Variants in USP7 observed in about 807,000 individuals in gnomAD.
The protein encoded by USP7 is ubiquitin specific peptidase 7, also known as ubiquitin C-terminal hydrolase 7.
Under a neutral mutation model 162.9 loss-of-function variants are expected in USP7, and 9 were observed. That is an observed-to-expected ratio of 0.06 (90% confidence interval 0.03 to 0.10). The LOEUF is 0.10. Among genes scored for constraint, USP7 ranks in the 10% least tolerant of loss-of-function variants. The pLI is 1.00. For missense variants in USP7, 715 were observed against 1,373.7 expected, an observed-to-expected ratio of 0.52 and a Z score of 7.58; for synonymous variants, 562 against 475.9, an observed-to-expected ratio of 1.18 and a Z score of -2.35.
At position 8,892,923 on chromosome 16, in the gene USP7, T is replaced by C. The variant is rs1032815654; in HGVS notation, c.*1075A>G. On this transcript the variant is annotated 3_prime_UTR_variant, in exon 31 of 31. Coordinates refer to ENST00000344836, the MANE Select transcript of USP7 (RefSeq NM_003470.3). ...ATAAGAGTGATTTGCTGATTCTATT[T>C]TACTGCACTCAAAACTAGACACGCA... The C allele has an allele frequency of 6.6e-6, 1 of 152,172 alleles. No homozygotes were observed. Among genetic ancestry groups the C allele is most frequent in the African/African-American group, 2.4e-5 (1 of 41,448 alleles). The allele number at this position is 152,172 out of a possible 1,614,324, so 9.4% of individuals were successfully genotyped here. A position where few individuals can be genotyped will look rare whatever the true frequency, so the allele number is the denominator to read the frequency against.
At chr16:8,909,317 C>T (rs961434496) in intron 11 of USP7, among the ~76,000 whole-genome samples, 2 of 152,152 alleles carry the variant, frequency 1.3e-5, no homozygotes, top group African/African-American at 2.4e-5. Flanking sequence ...CAGCAGCCAG[C>T]GAGAGACCTG....
chr16:8,903,346 T>C lies in USP7; in HGVS notation c.1761A>G (p.Glu587=), dbSNP rs1428662263. 1 of 1,614,224 alleles carries C rather than the reference T, an allele frequency of 6.2e-7. No individual in the cohort carries two copies. Among genetic ancestry groups the C allele is most frequent in the South Asian group, 1.1e-5 (1 of 91,078 alleles). The stretch of plus-strand genomic sequence containing the variant: ...CTTTGAACACAGTGTATTTCACTTT[T>C]TCTTCATCGTACATGTCATTCCCTT... ...GHQGNDMYDE[E]KVKYTVFKVL... is the part of the protein sequence containing the mutation. Residue 587 remains glutamate, a synonymous_variant, in exon 16 of 31, where the codon GAA becomes GAG. Transcript: ENST00000344836.
chr16:8,958,687 C>G (rs1899897718), intron 1 of USP7, among the ~76,000 whole-genome samples: 1 of 152,210 alleles, frequency 6.6e-6, no homozygotes, highest in Non-Finnish European at 1.5e-5. Flanking sequence ...ATCTAGTGTT[C>G]CACTTCCCCA....
chr16:8,907,964 C>G (rs1022306498), intron 12 of USP7, among the ~76,000 whole-genome samples: 1 of 152,154 alleles, frequency 6.6e-6, no homozygotes, highest in Admixed American at 6.5e-5. Context: ...CCTATTTAAA[C>G]GAATACACTA....
chr16:8,931,379 G>C (rs1399750202), intron 1 of USP7, among the ~76,000 whole-genome samples: 1 of 152,068 alleles, frequency 6.6e-6, no homozygotes, highest in Admixed American at 6.5e-5. Context: ...GTAGAGATGT[G>C]GTTTCACCAT....
At chr16:8,930,600 A>G (rs1898267364) in intron 1 of USP7, among the ~76,000 whole-genome samples, 1 of 152,210 alleles carries the variant, frequency 6.6e-6, no homozygotes, top group East Asian at 1.9e-4. Flanking sequence ...ACTAAATGGA[A>G]TTTGAAAACA....
intron 15 of USP7, 43 bp downstream of exon 15, chr16:8,904,384 TGGGTGCCC>T: frequency 6.2e-7 from 1 of 1,602,646 alleles, no homozygotes; most frequent in African/African-American, 1.3e-5. Context: ...TGTATAGAGA[TGGGTGCCC>T]GGCTGCATGG....
chr16:8,952,328 T>C (rs1271461534), intron 1 of USP7, among the ~76,000 whole-genome samples: 2 of 152,302 alleles, frequency 1.3e-5, no homozygotes, highest in East Asian at 1.9e-4. Flanking sequence ...CCGGACCACA[T>C]GTGTTCCAAT....
chr16:8,962,129 G>C (rs898880597), intron 1 of USP7, among the ~76,000 whole-genome samples: 7 of 152,172 alleles, frequency 4.6e-5, no homozygotes, highest in African/African-American at 1.7e-4. Flanking sequence ...GACAAATACT[G>C]CTTTTCCTGA....
chr16:8,936,695 TAGG>T (rs1898753420), intron 1 of USP7: 2 of 1,481,828 alleles, frequency 1.3e-6, no homozygotes, highest in Admixed American at 4.8e-5. Context: ...ATAGAATCTC[TAGG>T]AGCTCTACCT....
intron 1 of USP7, among the ~76,000 whole-genome samples, chr16:8,931,192 T>G (rs1898311192): frequency 6.8e-6 from 1 of 147,014 alleles, no homozygotes; most frequent in Non-Finnish European, 1.5e-5. Flanking sequence ...ACATGCATCT[T>G]TTTTTTTTTT....
chr16:8,894,524 GCC>G (rs756770513), intron 30 of USP7, 24 bp downstream of exon 30: 2 of 1,490,932 alleles, frequency 1.3e-6, no homozygotes, highest in Admixed American at 4.3e-5. Context: ...ACCCACACCA[GCC>G]CCCGGGGGGG....
At chr16:8,927,338 A>T (rs1279167081) in intron 2 of USP7, among the ~76,000 whole-genome samples, 2 of 152,120 alleles carry the variant, frequency 1.3e-5, no homozygotes, top group Non-Finnish European at 2.9e-5. Flanking sequence ...AAAAGAAAGA[A>T]AGTTAAAGAA....
rs1224163161 is a variant in USP7, at chr16:8,923,376, A to G, written c.222T>C (p.Thr74=). 6 of 1,614,240 alleles carry G rather than the reference A, an allele frequency of 3.7e-6. No homozygotes were observed. The highest frequency in any genetic ancestry group is 3.4e-6 in the Non-Finnish European group (4 of 1,180,042). Residue 74 remains threonine (T), a synonymous_variant, in exon 3 of 31, where the codon ACT becomes ACC. Transcript: ENST00000344836. The part of the protein sequence containing the change: ...SWRSEATFQF[T]VERFSRLSES... ...CACTCAGTCTGCTGAAGCGCTCCAC[A>G]GTGAACTGAAAGGTTGCCTCGGAGC...
chr16:8,915,623 T>C (rs1296216780), intron 8 of USP7, 98 bp from the exon 9 acceptor site: 1 of 1,060,598 alleles, frequency 9.4e-7, no homozygotes, highest in East Asian at 2.6e-5. Flanking sequence ...TTCAAAGAAG[T>C]TGTAGACTAT....
chr16:8,949,039 T>C (rs569798054), intron 1 of USP7, among the ~76,000 whole-genome samples: 6 of 152,330 alleles, frequency 3.9e-5, no homozygotes, highest in East Asian at 3.9e-4. Context: ...TGACTGCTAA[T>C]GGGTACAGGA....
intron 29 of USP7, 48 bp downstream of exon 29, chr16:8,894,736 G>C (rs201141976): frequency 6.2e-7 from 1 of 1,613,988 alleles, no homozygotes; most frequent in South Asian, 1.1e-5. Context: ...GCTAGGCAAG[G>C]CTTGAGCCTA....
Position 8,898,296 on chromosome 16 carries a change from G to C in USP7, c.2718+64C>G. On this transcript the variant is annotated intron_variant, in intron 25 of 30. Transcript: ENST00000344836. ...GGTGTCTTAGTTTTCAATGTCTGGG[G>C]ACAGGTAGAAACAATAAGCAAGTTC... 3 of 1,302,292 alleles carry C rather than the reference G, an allele frequency of 2.3e-6. No individual in the cohort carries two copies. The South Asian group carries it at 3.8e-5, about 17-fold the overall frequency. 80.7% of individuals were successfully genotyped at this position (1,302,292 alleles called of 1,614,324 possible).
chr16:8,894,521 C>A (rs898855707), intron 30 of USP7, 29 bp downstream of exon 30: 1 of 1,501,610 alleles, frequency 6.7e-7, no homozygotes, highest in African/African-American at 1.6e-5. Context: ...GAAACCCACA[C>A]CAGCCCCCGG....
Sources: allele counts gnomAD v4.1 joint callset (sites outside exome capture counted in the v4.1 genomes callset), GRCh38; gene constraint gnomAD v4.1.1; transcripts MANE v1.5; gene names NCBI Gene and HGNC (gene_info 2026-07-23, HGNC 2026-07-21).